Variants in ABCA4 observed in about 807,000 individuals in gnomAD.
The protein encoded by ABCA4 is retinal-specific phospholipid-transporting ATPase ABCA4.
In ABCA4, 196 loss-of-function variants were observed where a neutral mutation model predicts 263.7. That is an observed-to-expected ratio of 0.74 (90% CI 0.66 to 0.84). The LOEUF is 0.84. Among genes scored for constraint, ABCA4 ranks in the 40% least tolerant of loss-of-function variants. The pLI is 0.00. For missense variants in ABCA4, 2,792 were observed against 2,855.1 expected, an observed-to-expected ratio of 0.98 and a Z score of 0.50; for synonymous variants, 1,133 against 1,094.2, an observed-to-expected ratio of 1.04 and a Z score of -0.70.
At chr1:94,036,968 A>G (rs576428857) in intron 25 of ABCA4, among the ~76,000 whole-genome samples, 177 bp downstream of exon 25, 14 of 152,364 alleles carry the variant, frequency 9.2e-5, no homozygotes, top group Middle Eastern at 3.4e-3. Context: ...CCACAAGTAC[A>G]TAAAATTTGT....
intron 13 of ABCA4, among the ~76,000 whole-genome samples, chr1:94,061,742 G>A (rs1397831252): frequency 6.6e-6 from 1 of 152,180 alleles, no homozygotes; most frequent in East Asian, 1.9e-4. Flanking sequence ...TCCCAGCTCT[G>A]CCTATTGTCC....
At chr1:94,004,901 A>T (rs1410067655) in intron 44 of ABCA4, among the ~76,000 whole-genome samples, 1 of 152,190 alleles carries the variant, frequency 6.6e-6, no homozygotes, top group Non-Finnish European at 1.5e-5. Flanking sequence ...TTACATACAA[A>T]GTAGCGTTCT....
At chr1:94,099,211 G>A (rs1415889355) in intron 5 of ABCA4, among the ~76,000 whole-genome samples, 1 of 152,208 alleles carries the variant, frequency 6.6e-6, no homozygotes, top group East Asian at 1.9e-4. Flanking sequence ...AAATGTAGAA[G>A]AGGGAGGCAG....
At chr1:94,101,419 C>T (rs1055155448) in intron 5 of ABCA4, among the ~76,000 whole-genome samples, 1 of 152,208 alleles carries the variant, frequency 6.6e-6, no homozygotes, top group Non-Finnish European at 1.5e-5. Context: ...CCAAGCTCAC[C>T]CTGCCTCCAG....
Position 94,060,619 on chromosome 1 carries a change from T to C in ABCA4, c.2078A>G (p.Asn693Ser), listed in dbSNP as rs780400907. The change falls in exon 14 of 50, where the codon AAT (asparagine) becomes AGT (serine). Residue 693 changes from asparagine to serine, a missense_variant. Transcript: ENST00000370225. ...GAACCAGGTACACCAAATCACTGCA[T>C]TGGAGACACCCTGATTTTTCAAGGT... Reference protein sequence around the residue: ...KETLKNQGVSNAVIWCTWFLD... With the variant: ...KETLKNQGVSSAVIWCTWFLD... 1.1e-5 allele frequency: 17 copies of C among 1,614,174 alleles called. No homozygotes were observed. Among genetic ancestry groups the C allele is most frequent in the Non-Finnish European group, 1.4e-5 (16 of 1,180,032 alleles).
rs1034063171 is a variant in ABCA4 at position 94,097,742 on chromosome 1, G to T, written c.768+1052C>A. The stretch of plus-strand genomic sequence containing the variant: ...ACCAACTTCTCTGATGGGTTTTTTT[G>T]GTTTGTTTGTTTGTTTGTTTTTATT... On this transcript the variant is annotated intron_variant, in intron 6 of 49. Coordinates refer to ENST00000370225, the MANE Select transcript of ABCA4 (RefSeq NM_000350.3). Among the ~76,000 whole-genome samples the T allele has an allele frequency of 2.0e-5, 3 of 151,912 alleles. No individual in the cohort carries two copies. The East Asian group carries it at 5.8e-4, about 29-fold the overall frequency.
At chr1:94,082,331 C>T (rs971447530) in intron 7 of ABCA4, among the ~76,000 whole-genome samples, 2 of 152,190 alleles carry the variant, frequency 1.3e-5, no homozygotes, top group East Asian at 3.8e-4. Flanking sequence ...ATTAGACTTG[C>T]TATCTAGACA....
intron 43 of ABCA4, among the ~76,000 whole-genome samples, chr1:94,007,033 A>G (rs1213334132): frequency 6.6e-6 from 1 of 152,238 alleles, no homozygotes; most frequent in Non-Finnish European, 1.5e-5. Context: ...ATCCAAGGGC[A>G]CACGCCAGTT....
chr1:94,078,584 C>A lies in ABCA4; in HGVS notation c.1356+6G>T. On this transcript the variant is annotated splice_donor_region_variant and intron_variant, in intron 10 of 49. Coordinates refer to ENST00000370225, the MANE Select transcript of ABCA4 (RefSeq NM_000350.3). ...CCTCCCCTCCCCATCCTCCAACCCC[C>A]CTTACTCTGATCATGTTCATCTGTG... The A allele has an allele frequency of 6.4e-7, 1 of 1,568,400 alleles. No individual in the cohort carries two copies. Among genetic ancestry groups the A allele is most frequent in the Non-Finnish European group, 8.8e-7 (1 of 1,139,422 alleles).
chr1:94,001,857 C>G lies in ABCA4; in HGVS notation c.6282+1G>C, dbSNP rs770453727. 3 of 1,614,220 alleles carry G rather than the reference C, an allele frequency of 1.9e-6. No individual in the cohort carries two copies. Among genetic ancestry groups the G allele is most frequent in the Non-Finnish European group, 1.7e-6 (2 of 1,180,036 alleles). ...TTGGTGCGGCCCAAGCCCGCAGTTA[C>G]CAGCAGCACCAGCGGTGGGCAGCCA... On this transcript the variant is annotated splice_donor_variant, in intron 45 of 49. Transcript: ENST00000370225. LOFTEE classifies it high-confidence loss of function.
In ABCA4 at chr1:94,048,881, T is replaced by G. The variant is rs781532603; in HGVS notation, c.2730A>C (p.Pro910=). Residue 910 remains proline (P), a synonymous_variant, in exon 18 of 50, where the codon CCA becomes CCC. Coordinates refer to ENST00000370225, the MANE Select transcript of ABCA4 (RefSeq NM_000350.3). ...LTEETEDPEH[P]EGIHDSFFER... Reference sequence around the variant, plus strand: ...TCGGGGTTTTACCGTGTATTCCTTCTGGGTGCTCTGGATCCTCCGTTTCCT... The same window carrying G: ...TCGGGGTTTTACCGTGTATTCCTTCGGGGTGCTCTGGATCCTCCGTTTCCT... 1.9e-6 allele frequency: 3 copies of G among 1,614,190 alleles called. No homozygotes were observed. The highest frequency in any genetic ancestry group is 2.5e-6 in the Non-Finnish European group (3 of 1,180,012).
At chr1:94,030,067 T>G (rs1232378029) in intron 29 of ABCA4, among the ~76,000 whole-genome samples, 3 of 152,226 alleles carry the variant, frequency 2.0e-5, no homozygotes, top group Non-Finnish European at 4.4e-5. Flanking sequence ...CACAAAGTAC[T>G]GGCCACTGTG....
chr1:94,056,514 C>A, intron 15 of ABCA4, 87 bp downstream of exon 15: 5 of 1,425,028 alleles, frequency 3.5e-6, no homozygotes, highest in Admixed American at 1.9e-5. Flanking sequence ...AGTGGACCCC[C>A]TCAGAGGGCA....
intron 37 of ABCA4, 56 bp from the exon 38 acceptor site, chr1:94,014,746 A>G (rs1448087407): frequency 1.2e-6 from 2 of 1,609,132 alleles, no homozygotes; most frequent in African/African-American, 2.7e-5. Flanking sequence ...TTCCACCTAC[A>G]ATACGTCTGG....
chr1:94,067,309 T>C (rs1036183090), intron 11 of ABCA4, among the ~76,000 whole-genome samples: 2 of 152,190 alleles, frequency 1.3e-5, no homozygotes, highest in African/African-American at 4.8e-5. Flanking sequence ...CCTTTTCATG[T>C]CTTAAGGGGA....
rs61753057 is a variant in ABCA4 at position 94,080,596 on chromosome 1, G to T, written c.981C>A (p.Pro327=). The T allele has an allele frequency of 3.1e-6, 5 of 1,613,902 alleles. No individual in the cohort carries two copies. The Admixed American group carries it at 6.7e-5, about 22-fold the overall frequency. ...AGAGCACCCGAGAGCCACCTCCCTC[G>T]GGGTAGCCACACAGGAGGTCAGACA... ...GILSDLLCGY[P]EGGGSRVLSF... The change falls in exon 8 of 50, where the codon CCC becomes CCA. Residue 327 remains proline, a synonymous_variant. Coordinates refer to ENST00000370225, the MANE Select transcript of ABCA4 (RefSeq NM_000350.3).
In ABCA4 at chr1:94,021,933, A is replaced by G. The variant is rs1329136643; in HGVS notation, c.4686T>C (p.Ile1562=). 1.2e-6 allele frequency: 2 copies of G among 1,614,062 alleles called. No individual in the cohort carries two copies. The highest frequency in any genetic ancestry group is 1.7e-6 in the Non-Finnish European group (2 of 1,180,022). Residue 1562 remains isoleucine (I), a synonymous_variant, in exon 33 of 50, where the codon ATT becomes ATC. Transcript: ENST00000370225. ...TGGGGACGACTGGGAGCTTTCCTCC[A>G]ATGGAAATTCCTCCATACCTGACAA... ...VNEQRYGGIS[I]GGKLPVVPIT...
chr1:94,044,091 T>TCGC (rs1413810535), intron 20 of ABCA4, among the ~76,000 whole-genome samples: 53 of 16,028 alleles, frequency 3.3e-3, no homozygotes, highest in African/African-American at 4.0e-3. Context: ...CCTCCCTCCC[T>TCGC]TCTTTCCTTC....
intron 14 of ABCA4, among the ~76,000 whole-genome samples, chr1:94,057,237 T>C (rs554655071): frequency 5.9e-5 from 9 of 152,352 alleles, no homozygotes; most frequent in Non-Finnish European, 1.3e-4. Context: ...CCTGAACCAC[T>C]TGTGATCTGG....
Sources: gnomAD v4.1 joint callset for allele counts (sites outside exome capture counted in the v4.1 genomes callset) on GRCh38, gnomAD v4.1.1 for gene constraint, MANE v1.5 for transcripts, NCBI Gene and HGNC (gene_info 2026-07-23, HGNC 2026-07-21) for gene names.